Variants in AFG1L observed in about 807,000 individuals in gnomAD.
AFG1L encodes AFG1-like ATPase.
Under a neutral mutation model 62.2 loss-of-function variants are expected in AFG1L, and 53 were observed. That is an observed-to-expected ratio of 0.85 (90% CI 0.68 to 1.07). AFG1L has a LOEUF of 1.07. AFG1L is among the 50% of genes least tolerant of loss of function. AFG1L has a pLI of 0.00. For synonymous variants in AFG1L, 228 were observed against 210.3 expected (o/e 1.08, Z -0.73); for missense variants, 555 against 590.5 (o/e 0.94, Z 0.62).
chr6:108,484,435 C>T (rs79381792), intron 10 of AFG1L, among the ~76,000 whole-genome samples: 5,145 of 152,158 alleles, frequency 0.034, 274 homozygotes, highest in African/African-American at 0.12. Flanking sequence ...CTTTTGTCTA[C>T]CTTTCCCCAT....
intron 6 of AFG1L, among the ~76,000 whole-genome samples, chr6:108,384,174 A>T (rs1780665937): frequency 6.6e-6 from 1 of 152,148 alleles, no homozygotes; most frequent in Non-Finnish European, 1.5e-5. Flanking sequence ...GGGCAGGGTA[A>T]AGTCAGTGCT....
chr6:108,372,149 C>A (rs1028815139), intron 6 of AFG1L, among the ~76,000 whole-genome samples: 3 of 151,536 alleles, frequency 2.0e-5, no homozygotes, highest in African/African-American at 4.8e-5. Flanking sequence ...TATGTAAATT[C>A]ACTTTTTTTC....
At chr6:108,473,854 C>T (rs187349394) in intron 8 of AFG1L, among the ~76,000 whole-genome samples, 16 of 152,252 alleles carry the variant, frequency 1.1e-4, no homozygotes, top group African/African-American at 2.9e-4. Context: ...CCACTATGCC[C>T]GGCCAGCTCA....
At chr6:108,302,032 C>T (rs1429086224) in intron 1 of AFG1L, among the ~76,000 whole-genome samples, 1 of 151,870 alleles carries the variant, frequency 6.6e-6, no homozygotes, top group Non-Finnish European at 1.5e-5. Context: ...CTGCAACCTC[C>T]GTCTCCTGGG....
intron 7 of AFG1L, 148 bp from the exon 8 acceptor site, chr6:108,447,066 G>C: frequency 2.5e-6 from 1 of 404,744 alleles, no homozygotes; most frequent in Non-Finnish European, 4.5e-6. Context: ...TATGAATCTT[G>C]CATGAGTTCT....
intron 7 of AFG1L, among the ~76,000 whole-genome samples, chr6:108,420,322 G>A (rs1562149841): frequency 6.6e-6 from 1 of 150,568 alleles, no homozygotes; most frequent in African/African-American, 2.4e-5. Context: ...AAATTATCAA[G>A]TTTTAGTCTA....
chr6:108,492,957 CAGAG>C (rs1369761440), intron 10 of AFG1L, among the ~76,000 whole-genome samples: 2 of 151,786 alleles, frequency 1.3e-5, no homozygotes, highest in South Asian at 2.1e-4. Context: ...CACACACACA[CAGAG>C]AGAGACATAC....
At chr6:108,299,234 C>T (rs1776888115) in intron 1 of AFG1L, among the ~76,000 whole-genome samples, 1 of 150,704 alleles carries the variant, frequency 6.6e-6, no homozygotes, top group African/African-American at 2.4e-5. Context: ...GCGCTCCAGC[C>T]TGGGGGACAG....
intron 10 of AFG1L, among the ~76,000 whole-genome samples, chr6:108,495,407 G>T (rs1394748568): frequency 6.6e-6 from 1 of 152,190 alleles, no homozygotes; most frequent in Non-Finnish European, 1.5e-5. Context: ...TCCTACTTCA[G>T]CTGAAATAAT....
rs569988524 is a variant in AFG1L, at chr6:108,466,739, T to A, written c.891-10126T>A. On this transcript the variant is annotated intron_variant, in intron 8 of 12. Coordinates refer to ENST00000368977, the MANE Select transcript of AFG1L (RefSeq NM_145315.5). ...AGAAAAAAAAATTATATATATATAT[T>A]TTTTAAAATATATTTGTTAAAATAT... 6.5e-4 allele frequency among the ~76,000 whole-genome samples: 95 copies of A among 145,264 alleles called. 1 individual carries two copies. Among genetic ancestry groups the A allele is most frequent in the Middle Eastern group, 3.9e-3 (1 of 256 alleles).
intron 3 of AFG1L, among the ~76,000 whole-genome samples, chr6:108,353,394 A>G (rs1430744415): frequency 6.6e-6 from 1 of 152,018 alleles, no homozygotes; most frequent in African/African-American, 2.4e-5. Flanking sequence ...AGGCTCAAGC[A>G]ATTCTCCCTC....
intron 7 of AFG1L, among the ~76,000 whole-genome samples, chr6:108,432,828 G>T (rs1771134595): frequency 6.6e-6 from 1 of 152,212 alleles, no homozygotes; most frequent in African/African-American, 2.4e-5. Flanking sequence ...GGGCCTGGAT[G>T]TTGGCACTTT....
chr6:108,314,092 G>A (rs1006575615), intron 1 of AFG1L, among the ~76,000 whole-genome samples: 4 of 151,896 alleles, frequency 2.6e-5, no homozygotes, highest in Non-Finnish European at 5.9e-5. Flanking sequence ...TTAGCCAGAC[G>A]TGGTGGCGGG....
intron 2 of AFG1L, among the ~76,000 whole-genome samples, chr6:108,331,933 C>T (rs925827668): frequency 2.0e-5 from 3 of 152,180 alleles, no homozygotes; most frequent in African/African-American, 7.2e-5. Context: ...CTCCTGCCCT[C>T]TACCAGATAA....
intron 7 of AFG1L, among the ~76,000 whole-genome samples, chr6:108,442,905 A>AT (rs1771610439): frequency 6.6e-6 from 1 of 152,090 alleles, no homozygotes; most frequent in Non-Finnish European, 1.5e-5. Flanking sequence ...CACCTGCAGC[A>AT]TGGGAGGAGG....
In AFG1L at chr6:108,411,098, G is replaced by A. The variant is rs915627110; in HGVS notation, c.807+9044G>A. ...CGCTTTTCCAACGGCCTTAGCAAACGGCACACCAGATTATATCCTGTGCCT... is the reference window on the plus strand; with the variant it reads ...CGCTTTTCCAACGGCCTTAGCAAACAGCACACCAGATTATATCCTGTGCCT... On this transcript the variant is annotated intron_variant, in intron 7 of 12. Coordinates refer to ENST00000368977, the MANE Select transcript of AFG1L (RefSeq NM_145315.5). Among the ~76,000 whole-genome samples, 11 of 152,134 alleles carry A rather than the reference G, an allele frequency of 7.2e-5. No individual in the cohort carries two copies. In the East Asian group the frequency reaches 9.6e-4, roughly 13 times the overall value.
chr6:108,491,661 G>A (rs1455274931), intron 10 of AFG1L, among the ~76,000 whole-genome samples: 1 of 152,114 alleles, frequency 6.6e-6, no homozygotes, highest in Non-Finnish European at 1.5e-5. Context: ...GATAATTCAA[G>A]GTTGTCTTTT....
intron 1 of AFG1L, among the ~76,000 whole-genome samples, chr6:108,301,626 A>G (rs1433541747): frequency 5.3e-5 from 8 of 152,266 alleles, no homozygotes; most frequent in Admixed American, 5.2e-4. Context: ...AAGAACATTG[A>G]GTAAGCTTAT....
chr6:108,316,249 C>T (rs1426223996), intron 1 of AFG1L, among the ~76,000 whole-genome samples: 5 of 146,778 alleles, frequency 3.4e-5, no homozygotes, highest in African/African-American at 9.9e-5. Context: ...GGCGTAGTGG[C>T]GGGCGCCTGT....
Sources: allele counts gnomAD v4.1 joint callset (sites outside exome capture counted in the v4.1 genomes callset), GRCh38; gene constraint gnomAD v4.1.1; transcripts MANE v1.5; gene names NCBI Gene and HGNC (gene_info 2026-07-23, HGNC 2026-07-21).